The following ZNF592 variants were observed in gnomAD, a reference collection of about 807,000 sequenced individuals.
The protein encoded by ZNF592 is zinc finger protein 592, also known as spinocerebellar ataxia, autosomal recessive 5.
In ZNF592, 11 loss-of-function variants were observed where a neutral mutation model predicts 80.3. The ratio of observed to expected loss-of-function variants is 0.14; its 90% CI spans 0.09 to 0.23. The LOEUF (loss-of-function observed/expected upper bound fraction) is 0.23. Among genes scored for constraint, ZNF592 ranks in the 10% least tolerant of loss-of-function variants. ZNF592 has a pLI of 1.00. For synonymous variants in ZNF592, 646 were observed against 640.3 expected (o/e 1.01, Z -0.13); for missense variants, 1,420 against 1,633.9 (o/e 0.87, Z 2.26).
chr15:84,798,138 G>A lies in ZNF592; in HGVS notation c.2576+93G>A, dbSNP rs753099329. The A allele has an allele frequency of 6.4e-5, 101 of 1,576,176 alleles. No homozygotes were observed. The highest frequency in any genetic ancestry group is 7.2e-5 in the Non-Finnish European group (84 of 1,159,322). On this transcript the variant is annotated intron_variant, in intron 6 of 10. Transcript: ENST00000560079. The surrounding 1 kb of genome is among the most constrained non-coding windows in gnomAD (Gnocchi z 4.5). ...TGGCATAGGGATGGGTGAGGGAGCTGGGGTTAGTGGCAGAGGTGCCTGGGG... is the reference window on the plus strand; with the variant it reads ...TGGCATAGGGATGGGTGAGGGAGCTAGGGTTAGTGGCAGAGGTGCCTGGGG...
At chr15:84,753,715 C>T (rs940341847) in intron 1 of ZNF592, among the ~76,000 whole-genome samples, 11 of 152,310 alleles carry the variant, frequency 7.2e-5, no homozygotes, top group African/African-American at 2.6e-4. Flanking sequence ...TCAAATGATC[C>T]GCCTGCCTTG....
chr15:84,781,037 T>A (rs1962405447), intron 3 of ZNF592, among the ~76,000 whole-genome samples: 2 of 152,000 alleles, frequency 1.3e-5, no homozygotes, highest in Admixed American at 1.3e-4. Context: ...TGAGAATTTT[T>A]ATTATTTATT....
At position 84,799,801 on chromosome 15, in the gene ZNF592, G is replaced by A. The variant is rs140372237; in HGVS notation, c.3138-41G>A. On this transcript the variant is annotated intron_variant, in intron 9 of 10. Transcript: ENST00000560079. The surrounding 1 kb of genome is among the most constrained non-coding windows in gnomAD (Gnocchi z 4.2). ...TGTGAATAGCACTGAGGGAGCCTGC[G>A]GCCCGGGCACTTACCTGACCTCTCC... is the stretch of plus-strand genomic sequence containing the variant. The A allele has an allele frequency of 2.4e-3, 3,947 of 1,612,152 alleles. 23 individuals carry two copies. Among genetic ancestry groups the A allele is most frequent in the African/African-American group, 3.2e-3 (242 of 75,048 alleles).
intron 2 of ZNF592, among the ~76,000 whole-genome samples, chr15:84,766,544 G>T (rs1457474304): frequency 6.6e-6 from 1 of 152,070 alleles, no homozygotes; most frequent in Admixed American, 6.5e-5. Context: ...CTGTTGAGAG[G>T]GGAAGGAGAG....
intron 1 of ZNF592, among the ~76,000 whole-genome samples, chr15:84,749,632 C>T (rs979656261): frequency 6.6e-6 from 1 of 152,144 alleles, no homozygotes; most frequent in East Asian, 1.9e-4. Context: ...TTATGGTTTG[C>T]CCACTTGAGT....
At chr15:84,756,450 G>A (rs1899171993) in intron 1 of ZNF592, among the ~76,000 whole-genome samples, 1 of 152,232 alleles carries the variant, frequency 6.6e-6, no homozygotes, top group South Asian at 2.1e-4. Flanking sequence ...TTGAAGGTAG[G>A]TGTCCATTGT....
intron 1 of ZNF592, among the ~76,000 whole-genome samples, chr15:84,759,779 C>T (rs1172509315): frequency 6.6e-6 from 1 of 152,182 alleles, no homozygotes; most frequent in Non-Finnish European, 1.5e-5. Context: ...AAGAAACATT[C>T]ATTCATATCA....
Position 84,784,360 on chromosome 15 carries a change from C to T in ZNF592, c.1685C>T (p.Ser562Phe). The part of the protein sequence containing the change: ...VEVFNKVLHS[S>F]NPVPLYAPNL... ...GTCTTCAACAAGGTCCTTCACAGCT[C>T]CAACCCCGTGCCCCTCTATGCGCCA... The change falls in exon 4 of 11, where the codon TCC becomes TTC. Residue 562 changes from serine (S) to phenylalanine (F), a missense_variant. Around this residue, in one of 7 missense-constraint regions of ZNF592, gnomAD observed 524 missense variants for 628.3 expected, o/e 0.83. Coordinates refer to ENST00000560079, the MANE Select transcript of ZNF592 (RefSeq NM_014630.3). The surrounding 1 kb of genome is among the most constrained non-coding windows in gnomAD (Gnocchi z 5.8). 1 of 1,614,216 alleles carries T rather than the reference C, an allele frequency of 6.2e-7. No individual in the cohort carries two copies. The highest frequency in any genetic ancestry group is 8.5e-7 in the Non-Finnish European group (1 of 1,180,040).
At chr15:84,755,819 C>T (rs1234847576) in intron 1 of ZNF592, among the ~76,000 whole-genome samples, 8 of 152,168 alleles carry the variant, frequency 5.3e-5, no homozygotes, top group Non-Finnish European at 7.3e-5. Context: ...CTCTGTCACT[C>T]TCAGGGTAAG....
chr15:84,775,014 C>G (rs1962202793), intron 2 of ZNF592, among the ~76,000 whole-genome samples: 1 of 152,116 alleles, frequency 6.6e-6, no homozygotes, highest in African/African-American at 2.4e-5. Context: ...CTCCTGACCT[C>G]AGGTGATCCA....
In ZNF592 at chr15:84,770,532, G is replaced by C. The variant is rs565499531; in HGVS notation, c.-150+5717G>C. On this transcript the variant is annotated intron_variant, in intron 2 of 10. Coordinates refer to ENST00000560079, the MANE Select transcript of ZNF592 (RefSeq NM_014630.3). ...GTTTCCAGTGGATTATGTATGTGTA[G>C]GTGCTCAAGAGCAGGGTCTGGGCCT... Among the ~76,000 whole-genome samples, 39 of 152,260 alleles carry C rather than the reference G, an allele frequency of 2.6e-4. No individual in the cohort carries two copies. In the South Asian group the frequency reaches 8.1e-3, roughly 32 times the overall value.
intron 5 of ZNF592, among the ~76,000 whole-genome samples, chr15:84,793,635 A>G (rs1192057956): frequency 6.6e-6 from 1 of 152,218 alleles, no homozygotes; most frequent in Non-Finnish European, 1.5e-5. Context: ...TGCAATCACT[A>G]CAAACAATTT....
intron 2 of ZNF592, among the ~76,000 whole-genome samples, chr15:84,765,910 G>GTAT (rs1478939885): frequency 6.6e-6 from 1 of 151,828 alleles, no homozygotes; most frequent in African/African-American, 2.4e-5. Context: ...CCAAGGGGTG[G>GTAT]GTCCCTATTG....
chr15:84,771,403 G>T (rs1044084773), intron 2 of ZNF592, among the ~76,000 whole-genome samples: 2 of 152,132 alleles, frequency 1.3e-5, no homozygotes, highest in Admixed American at 6.6e-5. Context: ...GGGGTATCAG[G>T]TATTCTCTAG....
Position 84,784,924 on chromosome 15 carries a change from C to T in ZNF592, c.2220+29C>T, listed in dbSNP as rs183120559. The T allele has an allele frequency of 9.6e-5, 155 of 1,613,492 alleles. No individual in the cohort carries two copies. The Admixed American group carries it at 1.3e-3, about 13-fold the overall frequency. Reference sequence around the variant, plus strand: ...AGCAGACCCTCACTGTTACGGGTATCGGGCCCCTGGCTCACACAGGTTCCA... The same window carrying T: ...AGCAGACCCTCACTGTTACGGGTATTGGGCCCCTGGCTCACACAGGTTCCA... On this transcript the variant is annotated intron_variant, in intron 4 of 10. Coordinates refer to ENST00000560079, the MANE Select transcript of ZNF592 (RefSeq NM_014630.3). The surrounding 1 kb of genome is among the most constrained non-coding windows in gnomAD (Gnocchi z 5.8).
At chr15:84,776,417 C>T (rs907023705) in intron 2 of ZNF592, among the ~76,000 whole-genome samples, 5 of 152,238 alleles carry the variant, frequency 3.3e-5, no homozygotes, top group Admixed American at 6.5e-5. Context: ...TTCTAACTAG[C>T]ATTTCCCTGG....
At chr15:84,757,962 G>A (rs1200962656) in intron 1 of ZNF592, among the ~76,000 whole-genome samples, 1 of 144,666 alleles carries the variant, frequency 6.9e-6, no homozygotes. Flanking sequence ...GTGCCCAGCC[G>A]TTAATCCTTT....
intron 5 of ZNF592, among the ~76,000 whole-genome samples, chr15:84,794,876 T>C (rs1962851532): frequency 6.6e-6 from 1 of 152,224 alleles, no homozygotes; most frequent in African/African-American, 2.4e-5. Flanking sequence ...GAGTTTTTTA[T>C]ATCTTCTGAA....
In ZNF592 at chr15:84,788,961, A is replaced by T. The variant is rs138100321; in HGVS notation, c.2221-1744A>T. Reference sequence around the variant, plus strand: ...CATGGTGGCTCACACCTGTAAGCCCAGCACTTTGGGTGGCTAAGGTGGGTG... The same window carrying T: ...CATGGTGGCTCACACCTGTAAGCCCTGCACTTTGGGTGGCTAAGGTGGGTG... On this transcript the variant is annotated intron_variant, in intron 4 of 10. Transcript: ENST00000560079. 5.7e-3 allele frequency among the ~76,000 whole-genome samples: 865 copies of T among 152,216 alleles called. 8 individuals are homozygous for T. Among genetic ancestry groups the T allele is most frequent in the Non-Finnish European group, 9.7e-3 (660 of 68,000 alleles).
Sources: allele counts gnomAD v4.1 joint callset (sites outside exome capture counted in the v4.1 genomes callset), GRCh38; gene constraint gnomAD v4.1.1; regional missense constraint gnomAD v4.1.1; non-coding constraint Gnocchi (gnomAD v3.1); transcripts MANE v1.5; gene names NCBI Gene and HGNC (gene_info 2026-07-23, HGNC 2026-07-21).